The following ARK2N variants were observed in gnomAD, a reference collection of about 807,000 sequenced individuals.
ARK2N encodes protein ARK2N.
the ARK2N span, among the ~76,000 whole-genome samples, chr18:46,242,672 CTAAA>C: frequency 1.3e-5 from 2 of 152,082 alleles, no homozygotes; most frequent in African/African-American, 2.4e-5. Flanking sequence ...TGTTATATAT[CTAAA>C]TAAGCATGTT....
the ARK2N span, among the ~76,000 whole-genome samples, chr18:46,200,967 A>G: frequency 5.1e-5 from 7 of 138,162 alleles, no homozygotes; most frequent in African/African-American, 1.4e-4. Context: ...TGATTACATC[A>G]TTTTCTTTTT....
chr18:46,202,762 T>A, the ARK2N span, among the ~76,000 whole-genome samples: 1 of 148,394 alleles, frequency 6.7e-6, no homozygotes, highest in African/African-American at 2.5e-5. Flanking sequence ...CATTCCAGCC[T>A]GGGCAACAGA....
chr18:46,210,910 TAAA>T, the ARK2N span, among the ~76,000 whole-genome samples: 3 of 133,746 alleles, frequency 2.2e-5, no homozygotes, highest in Non-Finnish European at 3.3e-5. Context: ...GACCCTGTCT[TAAA>T]AAAAAAAAAA....
chr18:46,220,283 T>C, the ARK2N span, among the ~76,000 whole-genome samples: 1 of 152,100 alleles, frequency 6.6e-6, no homozygotes, highest in South Asian at 2.1e-4. Flanking sequence ...TCTCAATCCA[T>C]GCAGCCAGGC....
chr18:46,215,993 A>G, the ARK2N span: 5 of 1,614,126 alleles, frequency 3.1e-6, no homozygotes, highest in South Asian at 5.5e-5. Context: ...GTAGAACTGG[A>G]ATCTCAAGTT....
At chr18:46,183,164 A>G in the ARK2N span, among the ~76,000 whole-genome samples, 1 of 152,120 alleles carries the variant, frequency 6.6e-6, no homozygotes, top group African/African-American at 2.4e-5. Context: ...TGTCAGATCA[A>G]GAGCCAAATA....
chr18:46,211,027 C>T, the ARK2N span, among the ~76,000 whole-genome samples: 1 of 151,822 alleles, frequency 6.6e-6, no homozygotes, highest in Admixed American at 6.6e-5. Context: ...GAAGGACTAA[C>T]CAGAAGAATA....
At chr18:46,212,629 G>GT in the ARK2N span, among the ~76,000 whole-genome samples, 26 of 151,886 alleles carry the variant, frequency 1.7e-4, no homozygotes, top group Non-Finnish European at 2.9e-4. Flanking sequence ...TATTTAAGTG[G>GT]TTTTGACTGC....
At chr18:46,230,515 A>G in the ARK2N span, among the ~76,000 whole-genome samples, 36 of 152,322 alleles carry the variant, frequency 2.4e-4, no homozygotes, top group African/African-American at 8.4e-4. Context: ...TTAATGCTGG[A>G]AAGAAATCTC....
At chr18:46,174,189 G>C in the ARK2N span, 1 of 152,466 alleles carries the variant, frequency 6.6e-6, no homozygotes, top group Non-Finnish European at 1.5e-5. Flanking sequence ...GCCGGGGCTT[G>C]TTCCGAGGAG....
the ARK2N span, among the ~76,000 whole-genome samples, chr18:46,233,215 G>A: frequency 1.3e-5 from 2 of 152,044 alleles, no homozygotes; most frequent in Non-Finnish European, 2.9e-5. Context: ...TGGATATTTG[G>A]AAAAATAGCA....
the ARK2N span, among the ~76,000 whole-genome samples, chr18:46,177,567 G>C: frequency 2.0e-5 from 3 of 150,862 alleles, no homozygotes; most frequent in Non-Finnish European, 4.4e-5. Context: ...AAGTAGCTAA[G>C]ACAGGCGCCT....
At chr18:46,249,996 C>G in the ARK2N span, among the ~76,000 whole-genome samples, 3 of 152,030 alleles carry the variant, frequency 2.0e-5, no homozygotes, top group African/African-American at 7.3e-5. Flanking sequence ...TCCCCGCCCC[C>G]CTCGCCCCAC....
the ARK2N span, among the ~76,000 whole-genome samples, chr18:46,242,539 A>T: frequency 1.3e-5 from 2 of 152,216 alleles, no homozygotes; most frequent in Non-Finnish European, 2.9e-5. Flanking sequence ...GTATGTGAGG[A>T]GGAAAACAAC....
chr18:46,266,138 A>G, the ARK2N span: 1 of 152,208 alleles, frequency 6.6e-6, no homozygotes, highest in Non-Finnish European at 1.5e-5. Flanking sequence ...CTTTGCTTTT[A>G]TTATCAATTA....
At chr18:46,217,816 T>C in the ARK2N span, 1 of 152,164 alleles carries the variant, frequency 6.6e-6, no homozygotes, top group African/African-American at 2.4e-5. Flanking sequence ...CTATTGTTCC[T>C]TGTAATAAAA....
At chr18:46,233,456 G>C in the ARK2N span, among the ~76,000 whole-genome samples, 1 of 152,094 alleles carries the variant, frequency 6.6e-6, no homozygotes. Flanking sequence ...GACCTCTTCA[G>C]GTGCCTCATT....
chr18:46,193,356 C>T, the ARK2N span, among the ~76,000 whole-genome samples: 1 of 151,896 alleles, frequency 6.6e-6, no homozygotes, highest in Non-Finnish European at 1.5e-5. Context: ...ATGGCATGAT[C>T]TCGGCTCACG....
the ARK2N span, chr18:46,217,764 A>G: frequency 6.6e-6 from 1 of 152,146 alleles, no homozygotes; most frequent in African/African-American, 2.4e-5. Flanking sequence ...CGATCTTTAG[A>G]AATGCTTTTT....
Sources: gnomAD v4.1 joint callset for allele counts (sites outside exome capture counted in the v4.1 genomes callset) on GRCh38, gnomAD v4.1.1 for gene constraint, MANE v1.5 for transcripts, NCBI Gene and HGNC (gene_info 2026-07-23, HGNC 2026-07-21) for gene names.